XPA: variants seen among roughly 807,000 people sequenced by gnomAD.
XPA encodes the protein XPA, DNA damage recognition and repair factor, also known as DNA repair protein complementing XP-A cells.
A neutral mutation model predicts 35.7 loss-of-function variants in XPA; 27 were observed. That is an observed-to-expected ratio of 0.76 (90% CI 0.56 to 1.04). The LOEUF is 1.04. Among genes scored for constraint, XPA ranks in the 50% least tolerant of loss-of-function variants. The pLI is 0.00. For missense variants in XPA, 354 were observed against 342.7 expected, an observed-to-expected ratio of 1.03 and a Z score of -0.26; for synonymous variants, 133 against 118.4, an observed-to-expected ratio of 1.12 and a Z score of -0.80.
chr9:97,695,428 T>C (rs1829012940), intron 1 of XPA, among the ~76,000 whole-genome samples: 1 of 152,202 alleles, frequency 6.6e-6, no homozygotes, highest in South Asian at 2.1e-4. Flanking sequence ...ATAGTAAACA[T>C]TCCATGAGTA....
intron 1 of XPA, among the ~76,000 whole-genome samples, chr9:97,695,777 T>A (rs1829024776): frequency 1.3e-5 from 2 of 152,128 alleles, no homozygotes; most frequent in African/African-American, 4.8e-5. Context: ...AAGATAAAAA[T>A]CTCAGCACTT....
chr9:97,665,221 C>T, the XPA span, among the ~76,000 whole-genome samples: 1 of 152,250 alleles, frequency 6.6e-6, no homozygotes, highest in Admixed American at 6.5e-5. Flanking sequence ...GTCATACCGG[C>T]CAGGTTGGCC....
At chr9:97,669,749 C>T in the XPA span, 1 of 1,343,470 alleles carries the variant, frequency 7.4e-7, no homozygotes, top group Non-Finnish European at 1.1e-6. Context: ...TATTCTCAGC[C>T]ACAAAGATTT....
At chr9:97,672,625 T>TG (rs1409469494), downstream of XPA, 2 of 152,322 alleles carry the variant, frequency 1.3e-5, no homozygotes, top group Non-Finnish European at 2.9e-5. Flanking sequence ...AGTTGACCCT[T>TG]GAACAACATG....
In XPA at chr9:97,682,528, T is replaced by G. The variant is rs926217036; in HGVS notation, c.673+2395A>C. 2.0e-5 allele frequency: 10 copies of G among 489,884 alleles called. No homozygotes were observed. The Admixed American group carries it at 2.2e-4, about 11-fold the overall frequency. The allele number at this position is 489,884 out of a possible 1,614,324, so 30.3% of individuals were successfully genotyped here. On this transcript the variant is annotated intron_variant, in intron 5 of 5. Coordinates refer to ENST00000375128, the MANE Select transcript of XPA (RefSeq NM_000380.4). Reference sequence around the variant, plus strand: ...AGACAGTGGAGTAATGTTACAGAACTTAGGTATTCATATGCACAAAAGCAG... The same window carrying G: ...AGACAGTGGAGTAATGTTACAGAACGTAGGTATTCATATGCACAAAAGCAG...
Position 97,675,184 on chromosome 9 carries a change from T to C in XPA, c.*255A>G. 1 of 609,094 alleles carries C rather than the reference T, an allele frequency of 1.6e-6. No individual in the cohort carries two copies. The highest frequency in any genetic ancestry group is 3.0e-6 in the Non-Finnish European group (1 of 328,334). The allele number at this position is 609,094 out of a possible 1,614,324, so 37.7% of individuals were successfully genotyped here. On this transcript the variant is annotated 3_prime_UTR_variant, in exon 6 of 6. Coordinates refer to ENST00000375128, the MANE Select transcript of XPA (RefSeq NM_000380.4). ...TGACCTACCACTTCTGCACCTACTC[T>C]AGCACTCAGCTCCCATCTCTGTTGT...
the XPA span, chr9:97,664,305 G>T: frequency 7.7e-7 from 1 of 1,303,058 alleles, no homozygotes; most frequent in Non-Finnish European, 1.1e-6. Context: ...GTGTATGTGT[G>T]TGTGTGATTT....
intron 5 of XPA, among the ~76,000 whole-genome samples, chr9:97,676,432 T>C (rs964419853): frequency 6.6e-6 from 1 of 152,244 alleles, no homozygotes. Flanking sequence ...TTCTCACCAG[T>C]GATCCACCCA....
At chr9:97,693,902 TA>T (rs1828965940) in intron 1 of XPA, 143 bp from the exon 2 acceptor site, 3 of 797,142 alleles carry the variant, frequency 3.8e-6, no homozygotes, top group African/African-American at 3.5e-5. Flanking sequence ...TTCAACATTA[TA>T]CTGAAGGTCC....
intron 5 of XPA, among the ~76,000 whole-genome samples, chr9:97,683,669 A>G (rs1828615516): frequency 6.6e-6 from 1 of 151,868 alleles, no homozygotes; most frequent in African/African-American, 2.4e-5. Flanking sequence ...CTGAGTAGGA[A>G]AATCATGCAA....
chr9:97,669,017 A>G, the XPA span: 6 of 1,525,548 alleles, frequency 3.9e-6, no homozygotes, highest in African/African-American at 2.8e-5. Flanking sequence ...GAAACAATAC[A>G]TTTCTTTAGT....
chr9:97,680,152 A>G (rs533654206), intron 5 of XPA, among the ~76,000 whole-genome samples: 1 of 152,216 alleles, frequency 6.6e-6, no homozygotes, highest in Non-Finnish European at 1.5e-5. Context: ...GCAGCATTAT[A>G]TTAATGCTAA....
downstream of XPA, chr9:97,671,068 C>G (rs371158193): frequency 5.2e-4 from 797 of 1,534,854 alleles, 1 homozygote; most frequent in Middle Eastern, 6.8e-4. Context: ...CTAACTACCC[C>G]CTTTTGTGTG....
the XPA span, among the ~76,000 whole-genome samples, chr9:97,655,193 A>T: frequency 6.6e-6 from 1 of 152,248 alleles, no homozygotes; most frequent in South Asian, 2.1e-4. Flanking sequence ...TCTGCCATTT[A>T]TAAAATGTTT....
chr9:97,657,516 G>C, the XPA span, among the ~76,000 whole-genome samples: 192 of 152,172 alleles, frequency 1.3e-3, no homozygotes, highest in African/African-American at 4.1e-3. Flanking sequence ...TGATCCACCT[G>C]GTCATGTCAA....
chr9:97,661,592 T>G, the XPA span, among the ~76,000 whole-genome samples: 1 of 152,290 alleles, frequency 6.6e-6, no homozygotes, highest in Middle Eastern at 3.4e-3. Context: ...GGCCTTTGGG[T>G]ATTTATTACT....
the XPA span, chr9:97,669,048 T>C: frequency 2.1e-6 from 3 of 1,441,760 alleles, no homozygotes; most frequent in South Asian, 2.7e-5. Context: ...AAAAATGTTA[T>C]TTTTCATTGT....
chr9:97,664,936 C>G, the XPA span, among the ~76,000 whole-genome samples: 2 of 152,162 alleles, frequency 1.3e-5, no homozygotes, highest in African/African-American at 4.8e-5. Flanking sequence ...CAGTCATAAT[C>G]TTAGGTTTAA....
downstream of XPA, among the ~76,000 whole-genome samples, chr9:97,674,176 G>GT (rs2131377272): frequency 1.3e-5 from 2 of 151,110 alleles, no homozygotes; most frequent in South Asian, 4.1e-4. Context: ...TGAACCCCTA[G>GT]TTATTCTGTT....
Sources: allele counts gnomAD v4.1 joint callset (sites outside exome capture counted in the v4.1 genomes callset), GRCh38; gene constraint gnomAD v4.1.1; transcripts MANE v1.5; gene names NCBI Gene and HGNC (gene_info 2026-07-23, HGNC 2026-07-21).